The following RHBDL2 variants were observed in gnomAD, a reference collection of about 807,000 sequenced individuals.
RHBDL2 encodes the protein rhomboid like 2, also known as rhomboid-related protein 2.
RHBDL2 carries 26 observed loss-of-function variants against 31.7 expected under a neutral mutation model. The ratio of observed to expected loss-of-function variants is 0.82; its 90% confidence interval spans 0.60 to 1.14. The LOEUF (loss-of-function observed/expected upper bound fraction) is 1.14. Ranked by LOEUF, RHBDL2 falls within the 50% of genes most tolerant of loss-of-function variation. The pLI, the probability that RHBDL2 is intolerant of heterozygous loss-of-function variation, is 0.00. For missense variants in RHBDL2, 336 were observed against 364.4 expected, an observed-to-expected ratio of 0.92 and a Z score of 0.63; for synonymous variants, 123 against 127.2, an observed-to-expected ratio of 0.97 and a Z score of 0.22.
chr1:38,923,131 AT>A (rs1291381211), intron 1 of RHBDL2, among the ~76,000 whole-genome samples: 2 of 152,158 alleles, frequency 1.3e-5, no homozygotes, highest in Non-Finnish European at 2.9e-5. Flanking sequence ...TCCCATATTT[AT>A]GAGGTGTGTG....
Position 38,919,060 on chromosome 1 carries a change from T to A in RHBDL2, c.153A>T (p.Lys51Asn). The change falls in exon 2 of 8, where the codon AAA becomes AAT. Residue 51 changes from lysine to asparagine, a missense_variant. Transcript: ENST00000372990. ...CTCGGGACTTTTCGGGCAGCATCCATTTTGAGACAATCCTGTGGACCTTTT... is the reference window on the plus strand; with the variant it reads ...CTCGGGACTTTTCGGGCAGCATCCAATTTGAGACAATCCTGTGGACCTTTT... ...KSKKVHRIVS[K>N]WMLPEKSRGT... 6.2e-7 allele frequency: 1 copy of A among 1,614,134 alleles called. No homozygotes were observed. Among genetic ancestry groups the A allele is most frequent in the Non-Finnish European group, 8.5e-7 (1 of 1,180,008 alleles).
At chr1:38,919,892 A>G (rs1368120886) in intron 1 of RHBDL2, among the ~76,000 whole-genome samples, 1 of 152,034 alleles carries the variant, frequency 6.6e-6, no homozygotes, top group Admixed American at 6.6e-5. Flanking sequence ...AACCATTTAG[A>G]GTGTACAATT....
At chr1:38,940,592 T>C (rs996161635) in intron 1 of RHBDL2, among the ~76,000 whole-genome samples, 1 of 152,088 alleles carries the variant, frequency 6.6e-6, no homozygotes, top group African/African-American at 2.4e-5. Flanking sequence ...TAGCATATCT[T>C]TACAAGCCTA....
intron 1 of RHBDL2, among the ~76,000 whole-genome samples, chr1:38,932,726 C>T (rs1643452042): frequency 6.6e-6 from 1 of 152,212 alleles, no homozygotes; most frequent in African/African-American, 2.4e-5. Context: ...TCCTGAAGTG[C>T]TGGAATTACA....
At chr1:38,924,060 T>C (rs533305705) in intron 1 of RHBDL2, among the ~76,000 whole-genome samples, 1 of 152,276 alleles carries the variant, frequency 6.6e-6, no homozygotes, top group East Asian at 1.9e-4. Flanking sequence ...AACCCTTTCC[T>C]TCATGGTTGG....
At chr1:38,890,307 A>C (rs1478303795) in intron 6 of RHBDL2, among the ~76,000 whole-genome samples, 1 of 152,174 alleles carries the variant, frequency 6.6e-6, no homozygotes, top group Non-Finnish European at 1.5e-5. Context: ...GGCGTGAGCT[A>C]CCGTGCCTGG....
chr1:38,905,925 G>A (rs1235916159), intron 4 of RHBDL2, among the ~76,000 whole-genome samples: 3 of 151,772 alleles, frequency 2.0e-5, no homozygotes, highest in Non-Finnish European at 4.4e-5. Context: ...AAATTAGCTG[G>A]GCATGGTGGT....
At chr1:38,935,751 T>C (rs1643493074) in intron 1 of RHBDL2, among the ~76,000 whole-genome samples, 1 of 151,962 alleles carries the variant, frequency 6.6e-6, no homozygotes, top group South Asian at 2.1e-4. Flanking sequence ...TAGCTGGGAC[T>C]ACAGGTGTGT....
At chr1:38,939,172 C>A (rs1193628723) in intron 1 of RHBDL2, among the ~76,000 whole-genome samples, 1 of 152,092 alleles carries the variant, frequency 6.6e-6, no homozygotes, top group Non-Finnish European at 1.5e-5. Flanking sequence ...CAGCCCAGAG[C>A]AGATCTACAG....
rs1167371401 is a variant in RHBDL2, at chr1:38,912,383, G to A, written c.396-949C>T. Among the ~76,000 whole-genome samples, 53 of 150,212 alleles carry A rather than the reference G, an allele frequency of 3.5e-4. 1 individual carries two copies. Among genetic ancestry groups the A allele is most frequent in the Admixed American group, 3.2e-3 (49 of 15,090 alleles). On this transcript the variant is annotated intron_variant, in intron 3 of 7. Transcript: ENST00000372990. ...GCCTCCCAAAGTGCTGGGATTACACGCATGAGCCACCGCGCCTGGCCCGTT... is the reference window on the plus strand; with the variant it reads ...GCCTCCCAAAGTGCTGGGATTACACACATGAGCCACCGCGCCTGGCCCGTT...
At chr1:38,887,250 C>A (rs747349706) in intron 7 of RHBDL2, among the ~76,000 whole-genome samples, 2 of 152,174 alleles carry the variant, frequency 1.3e-5, no homozygotes, top group African/African-American at 4.8e-5. Context: ...GGTCTCAACT[C>A]TGTCGCCCAG....
chr1:38,907,798 T>C (rs556181814), intron 4 of RHBDL2, among the ~76,000 whole-genome samples: 88 of 152,100 alleles, frequency 5.8e-4, no homozygotes, highest in African/African-American at 2.0e-3. Context: ...GAAGATAACA[T>C]TGGAAAAAAT....
intron 4 of RHBDL2, among the ~76,000 whole-genome samples, chr1:38,909,988 T>C (rs970576214): frequency 1.1e-4 from 16 of 152,214 alleles, no homozygotes; most frequent in African/African-American, 3.6e-4. Flanking sequence ...AGCAGTGCTA[T>C]ATCCATTTTA....
At chr1:38,904,928 G>A (rs954945501) in intron 4 of RHBDL2, among the ~76,000 whole-genome samples, 3 of 149,862 alleles carry the variant, frequency 2.0e-5, no homozygotes, top group African/African-American at 7.3e-5. Flanking sequence ...CTACTCGGGA[G>A]GCTGAGGCAG....
chr1:38,920,340 G>C (rs1343397612), intron 1 of RHBDL2, among the ~76,000 whole-genome samples: 1 of 151,300 alleles, frequency 6.6e-6, no homozygotes, highest in Non-Finnish European at 1.5e-5. Flanking sequence ...GAAAATTTTT[G>C]TATTTTTAGT....
chr1:38,935,493 A>G (rs938222815), intron 1 of RHBDL2, among the ~76,000 whole-genome samples: 4 of 152,224 alleles, frequency 2.6e-5, no homozygotes, highest in Non-Finnish European at 5.9e-5. Context: ...TGGGAGCATC[A>G]TCTGTAAAAG....
chr1:38,913,836 C>G (rs999378433), intron 3 of RHBDL2, among the ~76,000 whole-genome samples: 1 of 152,038 alleles, frequency 6.6e-6, no homozygotes, highest in African/African-American at 2.4e-5. Flanking sequence ...AAACTATAGG[C>G]GGCCGGGCAC....
intron 1 of RHBDL2, among the ~76,000 whole-genome samples, chr1:38,932,613 C>G (rs954571666): frequency 6.6e-6 from 1 of 152,154 alleles, no homozygotes; most frequent in African/African-American, 2.4e-5. Flanking sequence ...GTGAGCGCCA[C>G]CATGCCCAAC....
At chr1:38,920,291 C>T (rs1476003060) in intron 1 of RHBDL2, among the ~76,000 whole-genome samples, 1 of 149,744 alleles carries the variant, frequency 6.7e-6, no homozygotes, top group Non-Finnish European at 1.5e-5. Flanking sequence ...CCTCAGCCTA[C>T]CAAGTAGCTG....
Sources: gnomAD v4.1 joint callset for allele counts (sites outside exome capture counted in the v4.1 genomes callset) on GRCh38, gnomAD v4.1.1 for gene constraint, MANE v1.5 for transcripts, NCBI Gene and HGNC (gene_info 2026-07-23, HGNC 2026-07-21) for gene names.